STAB2: variants seen among roughly 807,000 people sequenced by gnomAD.
The protein encoded by STAB2 is stabilin-2.
STAB2 carries 288 observed loss-of-function variants against 338.1 expected under a neutral mutation model. The observed-to-expected ratio is 0.85, with a 90% CI of 0.77 to 0.94. The LOEUF is 0.94. Ranked by LOEUF, STAB2 falls within the 40% of genes least tolerant of loss-of-function variation. STAB2 has a pLI of 0.00. For synonymous variants in STAB2, 1,202 were observed against 1,193.3 expected (o/e 1.01, Z -0.15); for missense variants, 3,141 against 3,210.1 (o/e 0.98, Z 0.52).
chr12:103,610,234 A>G (rs1957100562), intron 3 of STAB2, among the ~76,000 whole-genome samples: 2 of 151,966 alleles, frequency 1.3e-5, no homozygotes, highest in African/African-American at 4.8e-5. Flanking sequence ...CTCTTTTTCT[A>G]TTGATTGGAA....
intron 7 of STAB2, 69 bp from the exon 8 acceptor site, chr12:103,637,947 C>G: frequency 1.3e-6 from 2 of 1,506,446 alleles, no homozygotes; most frequent in East Asian, 4.6e-5. Context: ...TCCACTGTTG[C>G]TCACGGTTCA....
At position 103,711,529 on chromosome 12, in the gene STAB2, G is replaced by C; in HGVS notation, c.4334+13G>C. On this transcript the variant is annotated intron_variant, in intron 40 of 68. Transcript: ENST00000388887. The stretch of plus-strand genomic sequence containing the variant: ...ATACCAGCGCCAAGTAGGTAGCCCT[G>C]GGCCACCTCTGGGGACAGTGTAAAG... The C allele has an allele frequency of 2.5e-6, 4 of 1,614,002 alleles. No homozygotes were observed. The highest frequency in any genetic ancestry group is 3.4e-6 in the Non-Finnish European group (4 of 1,179,982).
intron 41 of STAB2, among the ~76,000 whole-genome samples, 166 bp from the exon 42 acceptor site, chr12:103,713,477 T>C (rs1331421728): frequency 2.6e-5 from 4 of 152,220 alleles, no homozygotes; most frequent in African/African-American, 9.6e-5. Context: ...AAAGGGCAAA[T>C]CACAGATGTT....
chr12:103,662,809 A>T, intron 17 of STAB2, 37 bp from the exon 18 acceptor site: 1 of 1,611,562 alleles, frequency 6.2e-7, no homozygotes. Context: ...GCAGTACAGA[A>T]TAGTACAGAA....
At chr12:103,618,875 G>C (rs1450117762) in intron 3 of STAB2, among the ~76,000 whole-genome samples, 1 of 152,144 alleles carries the variant, frequency 6.6e-6, no homozygotes, top group East Asian at 1.9e-4. Context: ...GTCATGGGAG[G>C]GACCCAGGGG....
intron 61 of STAB2, among the ~76,000 whole-genome samples, chr12:103,753,667 A>G (rs1478731423): frequency 6.6e-6 from 1 of 152,200 alleles, no homozygotes; most frequent in Non-Finnish European, 1.5e-5. Flanking sequence ...GCCTGATGTC[A>G]CCCAGCCAAG....
chr12:103,592,143 C>T (rs780514467), intron 2 of STAB2: 1 of 152,096 alleles, frequency 6.6e-6, no homozygotes, highest in Non-Finnish European at 1.5e-5. Context: ...ACCTGTTCCT[C>T]CTTTTGGAGG....
intron 52 of STAB2, among the ~76,000 whole-genome samples, chr12:103,735,801 G>A (rs1171439793): frequency 6.6e-6 from 1 of 152,182 alleles, no homozygotes; most frequent in African/African-American, 2.4e-5. Context: ...CTAGCAGGTG[G>A]CAGGAAGCCT....
chr12:103,648,786 A>G lies in STAB2; in HGVS notation c.1137A>G (p.Lys379=), dbSNP rs745966136. 1 of 1,614,144 alleles carries G rather than the reference A, an allele frequency of 6.2e-7. No homozygotes were observed. The highest frequency in any genetic ancestry group is 8.5e-7 in the Non-Finnish European group (1 of 1,180,008). Residue 379 remains lysine (K), a synonymous_variant, in exon 10 of 69, where the codon AAA becomes AAG. Transcript: ENST00000388887. ...AATTAAATACTGAACCCAGAGGAAA[A>G]TGGCAAGGAAGGCTGACCTCTTTCA... ...LRELNTEPRG[K]WQGRLTSFIS...
intron 17 of STAB2, among the ~76,000 whole-genome samples, chr12:103,661,462 G>A (rs1874614594): frequency 1.3e-5 from 2 of 152,188 alleles, no homozygotes; most frequent in Admixed American, 1.3e-4. Context: ...TGTAGGTCCT[G>A]AAGACAGACC....
chr12:103,594,553 A>G (rs1229618273), intron 3 of STAB2, 43 bp downstream of exon 3: 7 of 1,450,558 alleles, frequency 4.8e-6, no homozygotes, highest in South Asian at 1.1e-5. Flanking sequence ...GCTTCTTGGT[A>G]TCTCATTTGG....
chr12:103,646,168 C>A (rs1007082905), intron 9 of STAB2, among the ~76,000 whole-genome samples: 1 of 152,044 alleles, frequency 6.6e-6, no homozygotes, highest in Non-Finnish European at 1.5e-5. Flanking sequence ...AGGGAAAACT[C>A]CAGAAAGAAA....
At position 103,717,756 on chromosome 12, in the gene STAB2, C is replaced by G. The variant is rs1349105556; in HGVS notation, c.4612-14C>G. 8.1e-6 allele frequency: 13 copies of G among 1,613,952 alleles called. No individual in the cohort carries two copies. The highest frequency in any genetic ancestry group is 1.1e-5 in the Non-Finnish European group (13 of 1,179,966). On this transcript the variant is annotated splice_polypyrimidine_tract_variant and intron_variant, in intron 43 of 68. Coordinates refer to ENST00000388887, the MANE Select transcript of STAB2 (RefSeq NM_017564.10). ...ACCTGCAAAATGACCCCATGTGCTTCTACTCCTGGACAGGCTGCCTGTAAC... is the reference window on the plus strand; with the variant it reads ...ACCTGCAAAATGACCCCATGTGCTTGTACTCCTGGACAGGCTGCCTGTAAC...
chr12:103,725,656 G>A (rs773305984), intron 45 of STAB2, among the ~76,000 whole-genome samples: 4 of 152,248 alleles, frequency 2.6e-5, no homozygotes, highest in East Asian at 1.9e-4. Flanking sequence ...GTGTATGCAC[G>A]TGTGTGTGCA....
intron 11 of STAB2, among the ~76,000 whole-genome samples, chr12:103,651,375 G>A (rs569503155): frequency 6.0e-5 from 9 of 149,434 alleles, no homozygotes; most frequent in South Asian, 2.1e-4. Flanking sequence ...GTGCAGTGGC[G>A]CAATCTCGGC....
chr12:103,669,435 G>C, intron 20 of STAB2, 106 bp from the exon 21 acceptor site: 1 of 970,982 alleles, frequency 1.0e-6, no homozygotes, highest in Non-Finnish European at 1.6e-6. Context: ...CTCATAAGGA[G>C]AGGCGAATAT....
intron 45 of STAB2, among the ~76,000 whole-genome samples, chr12:103,725,743 A>G (rs1433186935): frequency 6.6e-6 from 1 of 152,256 alleles, no homozygotes; most frequent in Non-Finnish European, 1.5e-5. Context: ...ATGTTCAGTT[A>G]TTTAAAGAGG....
intron 4 of STAB2, among the ~76,000 whole-genome samples, chr12:103,620,759 A>G (rs975453991): frequency 2.0e-5 from 3 of 152,188 alleles, no homozygotes; most frequent in African/African-American, 7.2e-5. Flanking sequence ...GGGGGCCTTT[A>G]GGAGAGTCAA....
rs769412478 is a variant in STAB2, at chr12:103,750,657, C to T, written c.6517C>T (p.Arg2173Cys). ...TGAGCCGGAGCAGCTGCCCATTGACCGCTGCTTACAGGACAATGGGCAGTG... is the reference window on the plus strand; with the variant it reads ...TGAGCCGGAGCAGCTGCCCATTGACTGCTGCTTACAGGACAATGGGCAGTG... The part of the protein sequence containing the change: ...NCEPEQLPID[R>C]CLQDNGQCHA... The change falls in exon 60 of 69, where the codon CGC (arginine) becomes TGC (cysteine). Residue 2173 changes from arginine to cysteine, a missense_variant. Arg to Cys is a radical substitution (Grantham distance 180, BLOSUM62 -3). Transcript: ENST00000388887. 25 of 1,614,224 alleles carry T rather than the reference C, an allele frequency of 1.5e-5. No individual in the cohort carries two copies. The highest frequency in any genetic ancestry group is 4.4e-5 in the South Asian group (4 of 91,086).
Sources: gnomAD v4.1 joint callset for allele counts (sites outside exome capture counted in the v4.1 genomes callset) on GRCh38, gnomAD v4.1.1 for gene constraint, MANE v1.5 for transcripts, NCBI Gene and HGNC (gene_info 2026-07-23, HGNC 2026-07-21) for gene names.